The following RBFOX1 variants were observed in gnomAD, a reference collection of about 807,000 sequenced individuals.
RBFOX1 encodes the protein RNA binding protein fox-1 homolog 1.
RBFOX1 carries 8 observed loss-of-function variants against 57.7 expected under a neutral mutation model. The observed-to-expected ratio is 0.14, with a 90% CI of 0.08 to 0.25. The LOEUF (loss-of-function observed/expected upper bound fraction) is 0.25. Ranked by LOEUF, RBFOX1 falls within the 10% of genes least tolerant of loss-of-function variation. RBFOX1 has a pLI of 1.00. For synonymous variants in RBFOX1, 326 were observed against 222.4 expected (o/e 1.47, Z -4.15); for missense variants, 611 against 548.5 (o/e 1.11, Z -1.14).
intron 2 of RBFOX1, among the ~76,000 whole-genome samples, chr16:5,504,913 CAG>C (rs1262859061): frequency 4.6e-5 from 7 of 152,134 alleles, no homozygotes; most frequent in Non-Finnish European, 8.8e-5. Flanking sequence ...TAGAGACAGA[CAG>C]TGAATCCCTA....
At chr16:6,681,547 A>C (rs2058652506) in intron 3 of RBFOX1, among the ~76,000 whole-genome samples, 1 of 152,120 alleles carries the variant, frequency 6.6e-6, no homozygotes, top group African/African-American at 2.4e-5. Context: ...TCCAAACTTT[A>C]GTCAGTTGAG....
chr16:5,451,199 C>T (rs1343044982), intron 1 of RBFOX1, among the ~76,000 whole-genome samples: 2 of 152,092 alleles, frequency 1.3e-5, no homozygotes, highest in South Asian at 2.1e-4. Flanking sequence ...CTGATTGGTT[C>T]CAGTTGTTAA....
At chr16:6,046,213 C>A (rs1251492375) in intron 1 of RBFOX1, among the ~76,000 whole-genome samples, 2 of 152,134 alleles carry the variant, frequency 1.3e-5, no homozygotes, top group African/African-American at 4.8e-5. Flanking sequence ...CAGAGTAACC[C>A]AACTGAATGA....
intron 3 of RBFOX1, among the ~76,000 whole-genome samples, chr16:5,863,966 G>T (rs1435621325): frequency 6.6e-6 from 1 of 152,130 alleles, no homozygotes; most frequent in Non-Finnish European, 1.5e-5. Context: ...AGGTAAACTT[G>T]TGTCATGAGG....
At chr16:6,919,015 C>T (rs979513092) in intron 3 of RBFOX1, among the ~76,000 whole-genome samples, 2 of 152,218 alleles carry the variant, frequency 1.3e-5, no homozygotes, top group Admixed American at 6.5e-5. Context: ...GAGTGTTGCT[C>T]ATTCATCCAG....
chr16:5,369,262 A>G (rs549718676), intron 1 of RBFOX1, among the ~76,000 whole-genome samples: 1 of 152,326 alleles, frequency 6.6e-6, no homozygotes, highest in East Asian at 1.9e-4. Flanking sequence ...TTGGTCTCCC[A>G]AAGTGCTGAG....
At chr16:6,901,882 T>TA (rs2068588233) in intron 3 of RBFOX1, among the ~76,000 whole-genome samples, 1 of 152,212 alleles carries the variant, frequency 6.6e-6, no homozygotes, top group Non-Finnish European at 1.5e-5. Flanking sequence ...CATGTGAGCC[T>TA]AAGTGATGAA....
rs1372856047 is a variant in RBFOX1 at position 6,780,740 on chromosome 16, A to G, written c.-16+126090A>G. On this transcript the variant is annotated intron_variant, in intron 3 of 15. Transcript: ENST00000550418. ...AATTTTGATTTGCATTTCTCTAATGATTAGTGACGTTGAGCATTTTTCCGC... is the reference window on the plus strand; with the variant it reads ...AATTTTGATTTGCATTTCTCTAATGGTTAGTGACGTTGAGCATTTTTCCGC... Among the ~76,000 whole-genome samples, 4 of 151,162 alleles carry G rather than the reference A, an allele frequency of 2.6e-5. No individual in the cohort carries two copies. The Admixed American group carries it at 2.7e-4, about 10-fold the overall frequency.
intron 3 of RBFOX1, among the ~76,000 whole-genome samples, chr16:5,722,505 G>A (rs1007416189): frequency 6.6e-6 from 1 of 152,158 alleles, no homozygotes; most frequent in African/African-American, 2.4e-5. Context: ...CCGTGTCCAG[G>A]TGTCCCCAGG....
At chr16:7,133,102 T>C (rs1435200252) in intron 4 of RBFOX1, among the ~76,000 whole-genome samples, 3 of 152,202 alleles carry the variant, frequency 2.0e-5, no homozygotes, top group African/African-American at 7.2e-5. Flanking sequence ...TTTGATATTA[T>C]GGTTTGTATG....
chr16:5,941,318 T>C (rs2059273142), intron 4 of RBFOX1, among the ~76,000 whole-genome samples: 1 of 151,928 alleles, frequency 6.6e-6, no homozygotes, highest in African/African-American at 2.4e-5. Flanking sequence ...AGTGAGATCT[T>C]ATCTCTACAT....
At chr16:7,561,492 C>G (rs1048445488) in intron 5 of RBFOX1, among the ~76,000 whole-genome samples, 1 of 152,210 alleles carries the variant, frequency 6.6e-6, no homozygotes, top group African/African-American at 2.4e-5. Flanking sequence ...CTGAGAAACT[C>G]CGAAATATCC....
chr16:6,386,736 A>G (rs1326090161), intron 2 of RBFOX1, among the ~76,000 whole-genome samples: 1 of 152,222 alleles, frequency 6.6e-6, no homozygotes, highest in African/African-American at 2.4e-5. Context: ...TGTTTACGGT[A>G]AATGGAATAG....
At chr16:5,856,604 T>TATATATATATATATATA (rs776623035) in intron 3 of RBFOX1, among the ~76,000 whole-genome samples, 8 of 68,110 alleles carry the variant, frequency 1.2e-4, no homozygotes, top group African/African-American at 1.4e-4. Context: ...TATATATATA[T>TATATATATATATATATA]AATCTTAGCC....
chr16:5,675,006 A>G (rs2050122908), intron 3 of RBFOX1, among the ~76,000 whole-genome samples: 1 of 152,080 alleles, frequency 6.6e-6, no homozygotes, highest in Admixed American at 6.5e-5. Context: ...AAAATTAGCC[A>G]GCCATGGTGG....
chr16:5,454,840 CCTTT>C (rs143414380), intron 1 of RBFOX1, among the ~76,000 whole-genome samples: 4,435 of 104,622 alleles, frequency 0.042, 148 homozygotes, highest in African/African-American at 0.064. Flanking sequence ...TGCTTTCTTT[CCTTT>C]CTTTCTTTCT....
chr16:7,501,874 T>G (rs2071007808), intron 4 of RBFOX1, among the ~76,000 whole-genome samples: 1 of 152,184 alleles, frequency 6.6e-6, no homozygotes, highest in Admixed American at 6.5e-5. Flanking sequence ...TGCCAGCCTG[T>G]AGCTATAGAG....
intron 2 of RBFOX1, among the ~76,000 whole-genome samples, chr16:6,479,010 C>G (rs1193994295): frequency 6.6e-6 from 1 of 152,026 alleles, no homozygotes; most frequent in Non-Finnish European, 1.5e-5. Context: ...CACAAGGTTG[C>G]CACAAAACTT....
intron 3 of RBFOX1, among the ~76,000 whole-genome samples, chr16:7,003,302 G>A (rs570728104): frequency 2.6e-5 from 4 of 151,836 alleles, no homozygotes; most frequent in South Asian, 4.2e-4. Flanking sequence ...TCTACTAAAA[G>A]TGCAAAAATT....
Sources: allele counts gnomAD v4.1 joint callset (sites outside exome capture counted in the v4.1 genomes callset), GRCh38; gene constraint gnomAD v4.1.1; transcripts MANE v1.5; gene names NCBI Gene and HGNC (gene_info 2026-07-23, HGNC 2026-07-21).